TBC1D8: variants seen among roughly 807,000 people sequenced by gnomAD.
The protein encoded by TBC1D8 is BUB2-like protein 1.
Under a neutral mutation model 118.8 loss-of-function variants are expected in TBC1D8, and 65 were observed. The ratio of observed to expected loss-of-function variants is 0.55; its 90% CI spans 0.45 to 0.67. The LOEUF (loss-of-function observed/expected upper bound fraction) is 0.67, where lower values mean the gene tolerates loss of function less well. TBC1D8 is among the 30% of genes least tolerant of loss of function. TBC1D8 has a pLI of 0.00. For missense variants in TBC1D8, 1,376 were observed against 1,471.2 expected (o/e 0.94, Z 1.06); for synonymous variants, 566 against 595.8 (o/e 0.95, Z 0.73).
At chr2:101,110,705 G>A (rs1412427933) in intron 1 of TBC1D8, among the ~76,000 whole-genome samples, 3 of 152,034 alleles carry the variant, frequency 2.0e-5, no homozygotes, top group Non-Finnish European at 2.9e-5. Context: ...GGCCAGGCGC[G>A]GTGTCTCACA....
At chr2:101,148,022 C>T (rs951957444) in intron 1 of TBC1D8, among the ~76,000 whole-genome samples, 1 of 152,172 alleles carries the variant, frequency 6.6e-6, no homozygotes, top group Non-Finnish European at 1.5e-5. Context: ...AAGATGGGCA[C>T]CTCCCTAGTA....
At chr2:101,116,966 A>T (rs190071651) in intron 1 of TBC1D8, among the ~76,000 whole-genome samples, 1 of 152,236 alleles carries the variant, frequency 6.6e-6, no homozygotes, top group African/African-American at 2.4e-5. Context: ...ATGTTATTTA[A>T]GATGAGGTCA....
Position 101,010,982 on chromosome 2 carries a change from C to A in TBC1D8, c.2962G>T (p.Asp988Tyr). The A allele has an allele frequency of 6.2e-7, 1 of 1,612,976 alleles. No individual in the cohort carries two copies. Among genetic ancestry groups the A allele is most frequent in the South Asian group, 1.1e-5 (1 of 91,072 alleles). The change falls in exon 19 of 20, where the codon GAT becomes TAT. Residue 988 changes from aspartate (D) to tyrosine (Y), a missense_variant. Coordinates refer to ENST00000409318, the MANE Select transcript of TBC1D8 (RefSeq NM_001330348.2). The stretch of plus-strand genomic sequence containing the variant: ...GTTTTATCTTTTTCTTTGGCTAAAT[C>A]CTTAATCATCTGCTTCAGCTGTTTC... ...YQKQLKQMIK[D>Y]LAKEKDKTEK...
chr2:101,098,505 C>A (rs937321230), intron 1 of TBC1D8, among the ~76,000 whole-genome samples: 3 of 152,148 alleles, frequency 2.0e-5, no homozygotes, highest in African/African-American at 7.2e-5. Flanking sequence ...CAGGTCTGAA[C>A]CAAGTGGACC....
At chr2:101,131,485 C>T (rs1678588995) in intron 1 of TBC1D8, among the ~76,000 whole-genome samples, 1 of 148,454 alleles carries the variant, frequency 6.7e-6, no homozygotes, top group African/African-American at 2.5e-5. Context: ...TGCAGTTCAG[C>T]CTGGGCAACA....
In TBC1D8 at chr2:101,090,268, G is replaced by A; in HGVS notation, c.224C>T (p.Ser75Phe). 1 of 1,614,010 alleles carries A rather than the reference G, an allele frequency of 6.2e-7. No homozygotes were observed. The highest frequency in any genetic ancestry group is 8.5e-7 in the Non-Finnish European group (1 of 1,179,886). The change falls in exon 2 of 20, where the codon TCT (serine) becomes TTT (phenylalanine). Residue 75 changes from serine to phenylalanine, a missense_variant. Physicochemically the swap from Ser to Phe is radical, Grantham distance 155. Coordinates refer to ENST00000409318, the MANE Select transcript of TBC1D8 (RefSeq NM_001330348.2). ...CAGTAACTCACCACATGCTATGGGAGAATAAACCTGGGAGCCGGGAACTTG... is the reference window on the plus strand; with the variant it reads ...CAGTAACTCACCACATGCTATGGGAAAATAAACCTGGGAGCCGGGAACTTG... ...LLQVPGSQVY[S>F]PIACGELLNG...
Position 101,054,253 on chromosome 2 carries a change from G to C in TBC1D8, c.486C>G (p.Phe162Leu). 1 of 1,603,524 alleles carries C rather than the reference G, an allele frequency of 6.2e-7. No individual in the cohort carries two copies. Among genetic ancestry groups the C allele is most frequent in the Non-Finnish European group, 8.5e-7 (1 of 1,175,288 alleles). The part of the protein sequence containing the change: ...PEKFREALVK[F>L]EARFNFPEAE... ...CCTCGGGGAAGTTGAACCTGGCCTCGAACTTCACCAGGGCTTCTCGGAATT... is the reference window on the plus strand; with the variant it reads ...CCTCGGGGAAGTTGAACCTGGCCTCCAACTTCACCAGGGCTTCTCGGAATT... The change falls in exon 4 of 20, where the codon TTC becomes TTG. Residue 162 changes from phenylalanine to leucine, a missense_variant. By Grantham distance (22) the Phe-to-Leu change is conservative. Coordinates refer to ENST00000409318, the MANE Select transcript of TBC1D8 (RefSeq NM_001330348.2).
At chr2:101,127,899 T>G (rs1448456349) in intron 1 of TBC1D8, among the ~76,000 whole-genome samples, 1 of 152,114 alleles carries the variant, frequency 6.6e-6, no homozygotes, top group Non-Finnish European at 1.5e-5. Context: ...ACTTAATGAA[T>G]CCAGAACCAC....
rs369781430 is a variant in TBC1D8 at position 101,035,409 on chromosome 2, C to T, written c.1603+609G>A. Reference sequence around the variant, plus strand: ...AGTTTGGTCCCAGGCTCAGCCCATCCATCATTAAATGTCCTGATGAGGGTT... The same window carrying T: ...AGTTTGGTCCCAGGCTCAGCCCATCTATCATTAAATGTCCTGATGAGGGTT... On this transcript the variant is annotated intron_variant, in intron 9 of 19. Coordinates refer to ENST00000409318, the MANE Select transcript of TBC1D8 (RefSeq NM_001330348.2). Among the ~76,000 whole-genome samples, 44 of 152,302 alleles carry T rather than the reference C, an allele frequency of 2.9e-4. No individual in the cohort carries two copies. The South Asian group carries it at 3.1e-3, about 11-fold the overall frequency.
chr2:101,061,341 T>C lies in TBC1D8; in HGVS notation c.284-1802A>G, dbSNP rs17025235. On this transcript the variant is annotated intron_variant, in intron 2 of 19. Transcript: ENST00000409318. ...GACCGGCTCTGGACTTGTGGCTGCT[T>C]TGGAGTCCATGAGAATGAAAAACAT... is the stretch of plus-strand genomic sequence containing the variant. Among the ~76,000 whole-genome samples the C allele has an allele frequency of 6.6e-3, 1,005 of 152,280 alleles. 9 individuals are homozygous for C. The highest frequency in any genetic ancestry group is 0.021 in the African/African-American group (891 of 41,550).
chr2:101,015,922 T>C (rs1679599384), intron 17 of TBC1D8, among the ~76,000 whole-genome samples: 1 of 151,786 alleles, frequency 6.6e-6, no homozygotes, highest in Non-Finnish European at 1.5e-5. Flanking sequence ...AAAAATTAAT[T>C]CAAGATGGAT....
intron 17 of TBC1D8, among the ~76,000 whole-genome samples, chr2:101,016,898 G>A (rs1297994851): frequency 2.0e-5 from 3 of 151,970 alleles, no homozygotes; most frequent in Non-Finnish European, 4.4e-5. Flanking sequence ...CACATGAAGG[G>A]GAACATCACA....
At position 101,007,782 on chromosome 2, in the gene TBC1D8, G is replaced by C. The variant is rs780083059; in HGVS notation, c.*39C>G. On this transcript the variant is annotated 3_prime_UTR_variant, in exon 20 of 20. Coordinates refer to ENST00000409318, the MANE Select transcript of TBC1D8 (RefSeq NM_001330348.2). ...AAGAAACAGTCTGGTTCGTGCTTTG[G>C]TATGGTGGACTCCAGTGTGCATAGC... 2.1e-5 allele frequency: 34 copies of C among 1,585,622 alleles called. No individual in the cohort carries two copies. The highest frequency in any genetic ancestry group is 2.8e-5 in the Non-Finnish European group (33 of 1,160,656).
At position 101,010,802 on chromosome 2, in the gene TBC1D8, AACCCTGG is replaced by A. The variant is rs1220024389; in HGVS notation, c.3015+120_3015+126del. 103 of 706,050 alleles carry A rather than the reference AACCCTGG, an allele frequency of 1.5e-4. 1 individual carries two copies. Among genetic ancestry groups the A allele is most frequent in the Non-Finnish European group, 4.0e-5 (17 of 426,758 alleles). The allele number at this position is 706,050 out of a possible 1,614,324, so 43.7% of individuals were successfully genotyped here. On this transcript the variant is annotated intron_variant, in intron 19 of 19. Coordinates refer to ENST00000409318, the MANE Select transcript of TBC1D8 (RefSeq NM_001330348.2). ...GAGGCTGAGGCAGGAGAACTGCTTG[AACCCTGG>A]AGGTGGAGGTTGCAGTGGGCTGAGA...
chr2:101,018,849 A>T, intron 17 of TBC1D8: 1 of 953,974 alleles, frequency 1.0e-6, no homozygotes, highest in Non-Finnish European at 1.5e-6. Context: ...CTGAAAGTCC[A>T]ATTAGTATAA....
At chr2:101,098,322 T>G (rs1409328541) in intron 1 of TBC1D8, among the ~76,000 whole-genome samples, 1 of 151,748 alleles carries the variant, frequency 6.6e-6, no homozygotes, top group Non-Finnish European at 1.5e-5. Context: ...GATGTTGCAG[T>G]GAGCTGAGAT....
At chr2:101,019,180 C>A in intron 17 of TBC1D8, 1 of 1,160,024 alleles carries the variant, frequency 8.6e-7, no homozygotes, top group Non-Finnish European at 1.2e-6. Context: ...GCCTGTTCTA[C>A]ACGGCCGGGG....
At chr2:101,109,079 G>A (rs1193368475) in intron 1 of TBC1D8, among the ~76,000 whole-genome samples, 2 of 152,194 alleles carry the variant, frequency 1.3e-5, no homozygotes, top group African/African-American at 4.8e-5. Flanking sequence ...CCCACCTGCA[G>A]AGAAGCGGGG....
intron 1 of TBC1D8, among the ~76,000 whole-genome samples, chr2:101,150,046 C>G (rs376060958): frequency 6.6e-6 from 1 of 152,354 alleles, no homozygotes; most frequent in African/African-American, 2.4e-5. Flanking sequence ...TAAGTCTGCA[C>G]TCCTCTAACA....
Sources: allele counts gnomAD v4.1 joint callset (sites outside exome capture counted in the v4.1 genomes callset), GRCh38; gene constraint gnomAD v4.1.1; transcripts MANE v1.5; gene names NCBI Gene and HGNC (gene_info 2026-07-23, HGNC 2026-07-21).